The following MACF1 variants were observed in gnomAD, a reference collection of about 807,000 sequenced individuals.
MACF1 encodes microtubule actin crosslinking factor 1.
In MACF1, 193 loss-of-function variants were observed where a neutral mutation model predicts 854.8. That is an observed-to-expected ratio of 0.23 (90% confidence interval 0.20 to 0.25). The LOEUF (loss-of-function observed/expected upper bound fraction) is 0.25. Ranked by LOEUF, MACF1 falls within the 10% of genes least tolerant of loss-of-function variation. The pLI, the probability that MACF1 is intolerant of heterozygous loss-of-function variation, is 1.00. For missense variants in MACF1, 7,722 were observed against 8,929.1 expected (o/e 0.86, Z 5.45); for synonymous variants, 3,185 against 3,226.7 (o/e 0.99, Z 0.44).
chr1:39,452,344 A>C lies in MACF1; in HGVS notation c.20607A>C (p.Leu6869Phe), dbSNP rs1376418059. ...AACAAAGCCGGCTTGAGCAGGCCTT[A>C]AAACAAGTAAGGGATATTTGCTGTC... is the stretch of plus-strand genomic sequence containing the variant. The part of the protein sequence containing the change: ...VSKQSRLEQA[L>F]KQAEVFRDTV... Residue 6869 changes from leucine to phenylalanine, a missense_variant, in exon 86 of 101, where the codon TTA becomes TTC. Coordinates refer to ENST00000564288, the MANE Select transcript of MACF1 (RefSeq NM_001394062.1). The C allele has an allele frequency of 1.9e-6, 3 of 1,613,182 alleles. No individual in the cohort carries two copies. The highest frequency in any genetic ancestry group is 2.2e-5 in the East Asian group (1 of 44,866).
intron 52 of MACF1, among the ~76,000 whole-genome samples, chr1:39,374,932 A>G (rs2148544932): frequency 6.6e-6 from 1 of 152,118 alleles, no homozygotes; most frequent in East Asian, 1.9e-4. Flanking sequence ...AACACAGTGA[A>G]ACCTCGTCTC....
chr1:39,350,027 A>C (rs528583351), intron 42 of MACF1, among the ~76,000 whole-genome samples: 41 of 152,362 alleles, frequency 2.7e-4, no homozygotes, highest in African/African-American at 9.9e-4. Flanking sequence ...CACACAGTCT[A>C]GCAGGGCATA....
At chr1:39,349,112 G>A (rs920105031) in intron 41 of MACF1, among the ~76,000 whole-genome samples, 9 of 152,272 alleles carry the variant, frequency 5.9e-5, no homozygotes, top group Admixed American at 5.9e-4. Context: ...CTAGTGGAGG[G>A]ATTGATCAGA....
At chr1:39,207,469 G>A (rs1402584533) in intron 1 of MACF1, among the ~76,000 whole-genome samples, 1 of 151,686 alleles carries the variant, frequency 6.6e-6, no homozygotes, top group Non-Finnish European at 1.5e-5. Context: ...TAGTAGAGAC[G>A]GGGTTTCTCC....
intron 10 of MACF1, 51 bp from the exon 11 acceptor site, chr1:39,284,282 A>G: frequency 6.4e-7 from 1 of 1,564,976 alleles, no homozygotes; most frequent in Non-Finnish European, 8.7e-7. Context: ...GGTATGAAAA[A>G]TTGGGTCCTA....
At chr1:39,356,613 T>C (rs995719211) in intron 44 of MACF1, among the ~76,000 whole-genome samples, 2 of 152,174 alleles carry the variant, frequency 1.3e-5, no homozygotes, top group East Asian at 1.9e-4. Flanking sequence ...CCTTGTGATC[T>C]GCCAGCCTCG....
chr1:39,269,384 T>C, intron 6 of MACF1: 4 of 1,289,772 alleles, frequency 3.1e-6, no homozygotes, highest in Non-Finnish European at 3.0e-6. Flanking sequence ...CCAAGAGTGT[T>C]TCAGGTGCCC....
In MACF1 at chr1:39,385,578, G is replaced by T. The variant is rs1342954821; in HGVS notation, c.13993G>T (p.Val4665Phe). ...ACTCCAGAGCATCAATCAGAAATGG[G>T]TTGAGCTGACTGACAAACTCAACTC... ...KELQSINQKW[V>F]ELTDKLNSRS... The change falls in exon 57 of 101, where the codon GTT (valine) becomes TTT (phenylalanine). Residue 4665 changes from valine (V) to phenylalanine (F), a missense_variant. Around this residue, in one of 15 missense-constraint regions of MACF1, gnomAD observed 2,807 missense variants for 3,235.8 expected, o/e 0.87. Coordinates refer to ENST00000564288, the MANE Select transcript of MACF1 (RefSeq NM_001394062.1). The T allele has an allele frequency of 6.2e-7, 1 of 1,614,102 alleles. No homozygotes were observed. The highest frequency in any genetic ancestry group is 2.2e-5 in the East Asian group (1 of 44,876).
At chr1:39,468,041 T>G (rs1167214802) in intron 95 of MACF1, 1 of 152,256 alleles carries the variant, frequency 6.6e-6, no homozygotes, top group Non-Finnish European at 1.5e-5. Flanking sequence ...TTTTCCTACC[T>G]CTCCTTTTGG....
chr1:39,261,335 G>A (rs576277541), intron 6 of MACF1, among the ~76,000 whole-genome samples: 1 of 152,190 alleles, frequency 6.6e-6, no homozygotes, highest in East Asian at 1.9e-4. Flanking sequence ...TTACTGAGGT[G>A]TAATTTACAT....
intron 88 of MACF1, among the ~76,000 whole-genome samples, chr1:39,454,397 A>G (rs182242146): frequency 6.6e-6 from 1 of 152,292 alleles, no homozygotes; most frequent in East Asian, 1.9e-4. Flanking sequence ...AGGAACAACT[A>G]TACTAGATTT....
intron 51 of MACF1, among the ~76,000 whole-genome samples, chr1:39,371,319 CAAAAAAA>C (rs764951315): frequency 9.8e-5 from 8 of 81,306 alleles, no homozygotes; most frequent in Non-Finnish European, 1.8e-4. Context: ...GACTCTGTCT[CAAAAAAA>C]AAAAAAAAAA....
At chr1:39,237,008 A>G (rs1644866803) in intron 2 of MACF1, among the ~76,000 whole-genome samples, 1 of 152,154 alleles carries the variant, frequency 6.6e-6, no homozygotes, top group African/African-American at 2.4e-5. Context: ...CTAGAGTTTG[A>G]TGTCACCTAA....
Position 39,349,038 on chromosome 1 carries a change from TC to T in MACF1, c.10816-439del, listed in dbSNP as rs373510439. On this transcript the variant is annotated intron_variant, in intron 41 of 100. Coordinates refer to ENST00000564288, the MANE Select transcript of MACF1 (RefSeq NM_001394062.1). The stretch of plus-strand genomic sequence containing the variant: ...TCGATTAACTTATGAATTATCCAGG[TC>T]TTTGATTTTTCTTTCTACTCCAATT... 8.3e-4 allele frequency among the ~76,000 whole-genome samples: 126 copies of T among 152,240 alleles called. 2 individuals are homozygous for T. The East Asian group carries it at 0.022, about 26-fold the overall frequency.
At chr1:39,437,745 G>C (rs964466236) in intron 70 of MACF1, 32 bp from the exon 71 acceptor site, 22 of 1,435,344 alleles carry the variant, frequency 1.5e-5, no homozygotes, top group Non-Finnish European at 2.1e-5. Context: ...GATGAGGTAT[G>C]CTGTGATGGT....
chr1:39,206,655 C>G (rs1238437328), intron 1 of MACF1: 1 of 151,980 alleles, frequency 6.6e-6, no homozygotes, highest in African/African-American at 2.4e-5. Flanking sequence ...AACTTTGATT[C>G]TAATACCAAA....
chr1:39,444,199 G>T (rs1644177629), intron 79 of MACF1, among the ~76,000 whole-genome samples: 2 of 152,052 alleles, frequency 1.3e-5, no homozygotes. Context: ...GCCGGGCGTG[G>T]TGGCGGGCGC....
chr1:39,279,730 T>C (rs1269141313), intron 6 of MACF1, among the ~76,000 whole-genome samples: 3 of 152,188 alleles, frequency 2.0e-5, no homozygotes, highest in Non-Finnish European at 4.4e-5. Context: ...AAAGTTATTA[T>C]CCTATTTTAA....
chr1:39,143,753 A>G (rs1008011048), intron 2 of MACF1, among the ~76,000 whole-genome samples: 1 of 152,110 alleles, frequency 6.6e-6, no homozygotes, highest in Non-Finnish European at 1.5e-5. Flanking sequence ...CAAGCCAGCA[A>G]TTAGGCAATT....
Sources: gnomAD v4.1 joint callset for allele counts (sites outside exome capture counted in the v4.1 genomes callset) on GRCh38, gnomAD v4.1.1 for gene constraint, gnomAD v4.1.1 regional missense constraint, MANE v1.5 for transcripts, NCBI Gene and HGNC (gene_info 2026-07-23, HGNC 2026-07-21) for gene names.